The following ADAM17 variants were observed in gnomAD, a reference collection of about 807,000 sequenced individuals.
ADAM17 encodes the protein ADAM metallopeptidase domain 17, also known as disintegrin and metalloproteinase domain-containing protein 17.
Under a neutral mutation model 96.7 loss-of-function variants are expected in ADAM17, and 39 were observed. That is an observed-to-expected ratio of 0.40 (90% CI 0.31 to 0.53). The LOEUF (loss-of-function observed/expected upper bound fraction) is 0.53, where lower values mean the gene tolerates loss of function less well. Ranked by LOEUF, ADAM17 falls within the 20% of genes least tolerant of loss-of-function variation. ADAM17 has a pLI of 0.44. For synonymous variants in ADAM17, 344 were observed against 359.2 expected (o/e 0.96, Z 0.48); for missense variants, 777 against 1,013.2 (o/e 0.77, Z 3.17).
intron 10 of ADAM17, among the ~76,000 whole-genome samples, chr2:9,514,523 ATATATATATATATATATATATAT>A (rs1663937553): frequency 2.1e-4 from 1 of 4,698 alleles, no homozygotes; most frequent in Non-Finnish European, 6.0e-4. Flanking sequence ...ATATAAATAT[ATATATATATATATATATATATAT>A]ATATATATAT....
At chr2:9,507,593 G>A (rs1663485865) in intron 11 of ADAM17, among the ~76,000 whole-genome samples, 1 of 152,028 alleles carries the variant, frequency 6.6e-6, no homozygotes, top group Admixed American at 6.5e-5. Flanking sequence ...AACCAAACTA[G>A]AAAAACACAG....
At position 9,500,893 on chromosome 2, in the gene ADAM17, A is replaced by G. The variant is rs528258529; in HGVS notation, c.1648+1280T>C. Among the ~76,000 whole-genome samples, 29 of 152,360 alleles carry G rather than the reference A, an allele frequency of 1.9e-4. No homozygotes were observed. The South Asian group carries it at 5.6e-3, about 29-fold the overall frequency. On this transcript the variant is annotated intron_variant, in intron 13 of 18. Coordinates refer to ENST00000310823, the MANE Select transcript of ADAM17 (RefSeq NM_003183.6). ...AGCTCCAGAAAGATTCAAGTCCTGA[A>G]TGTAAAAGGACAACTTATGAAGCTA...
chr2:9,512,721 C>T (rs1663808796), intron 10 of ADAM17, among the ~76,000 whole-genome samples: 2 of 152,236 alleles, frequency 1.3e-5, no homozygotes, highest in South Asian at 2.1e-4. Flanking sequence ...CCCACTCAGT[C>T]GGTTAGTATG....
At chr2:9,508,007 T>C (rs1201382040) in intron 11 of ADAM17, among the ~76,000 whole-genome samples, 1 of 152,166 alleles carries the variant, frequency 6.6e-6, no homozygotes, top group Non-Finnish European at 1.5e-5. Flanking sequence ...CCACCATGCC[T>C]CACTGGCAAG....
At chr2:9,490,631 A>C (rs1662055616) in intron 18 of ADAM17, 113 bp from the exon 19 acceptor site, 1 of 1,163,194 alleles carries the variant, frequency 8.6e-7, no homozygotes, top group East Asian at 2.6e-5. Flanking sequence ...CTGTGATGCT[A>C]AGAAAAAAGT....
At chr2:9,535,134 CT>C (rs756781782) in intron 4 of ADAM17, among the ~76,000 whole-genome samples, 2 of 152,318 alleles carry the variant, frequency 1.3e-5, no homozygotes, top group Non-Finnish European at 2.9e-5. Context: ...TGTTTTACCC[CT>C]ATTAAGCACT....
At chr2:9,495,661 C>T (rs1662521199) in intron 14 of ADAM17, among the ~76,000 whole-genome samples, 1 of 150,950 alleles carries the variant, frequency 6.6e-6, no homozygotes, top group Admixed American at 6.6e-5. Flanking sequence ...CTGCGGTGAC[C>T]TGAGATCGCG....
At chr2:9,515,034 C>T (rs1663989886) in intron 10 of ADAM17, among the ~76,000 whole-genome samples, 2 of 152,264 alleles carry the variant, frequency 1.3e-5, no homozygotes, top group South Asian at 4.1e-4. Flanking sequence ...TTAAATCACC[C>T]AAAGTCCACA....
At chr2:9,548,491 A>AG (rs1665483018) in intron 1 of ADAM17, among the ~76,000 whole-genome samples, 1 of 152,256 alleles carries the variant, frequency 6.6e-6, no homozygotes, top group East Asian at 1.9e-4. Context: ...TTAAAAAAAA[A>AG]AAAAAGAAAA....
intron 13 of ADAM17, among the ~76,000 whole-genome samples, chr2:9,500,498 C>T (rs2124986620): frequency 6.6e-6 from 1 of 152,216 alleles, no homozygotes; most frequent in Admixed American, 6.5e-5. Context: ...CTGCATAAAT[C>T]TGAATATACT....
At chr2:9,543,039 T>G in intron 2 of ADAM17, 114 bp downstream of exon 2, 1 of 1,308,628 alleles carries the variant, frequency 7.6e-7, no homozygotes, top group Non-Finnish European at 1.0e-6. Flanking sequence ...GGAAATTAAT[T>G]ACAAATCTTT....
chr2:9,546,162 G>A (rs1236330552), intron 1 of ADAM17, among the ~76,000 whole-genome samples: 2 of 150,872 alleles, frequency 1.3e-5, no homozygotes, highest in Non-Finnish European at 2.9e-5. Flanking sequence ...ATAGATTTCA[G>A]AAATATTCAT....
At chr2:9,534,737 G>A (rs748242246) in intron 4 of ADAM17, among the ~76,000 whole-genome samples, 16 of 152,116 alleles carry the variant, frequency 1.1e-4, no homozygotes, top group South Asian at 2.1e-4. Flanking sequence ...AAGGATGTCT[G>A]TCAAAATGTC....
In ADAM17 at chr2:9,489,896, C is replaced by T. The variant is rs1347611973; in HGVS notation, c.*281G>A. 2.9e-6 allele frequency: 1 copy of T among 349,110 alleles called. No homozygotes were observed. The highest frequency in any genetic ancestry group is 5.2e-6 in the Non-Finnish European group (1 of 191,618). 21.6% of individuals were successfully genotyped at this position (349,110 alleles called of 1,614,324 possible). The stretch of plus-strand genomic sequence containing the variant: ...TACAAAAACGTAAATATTCATAACC[C>T]AATCCAGCTGTATTTTCTGCTTTTG... On this transcript the variant is annotated 3_prime_UTR_variant, in exon 19 of 19. Coordinates refer to ENST00000310823, the MANE Select transcript of ADAM17 (RefSeq NM_003183.6).
chr2:9,490,643 C>T, intron 18 of ADAM17, 125 bp from the exon 19 acceptor site: 1 of 1,008,800 alleles, frequency 9.9e-7, no homozygotes, highest in East Asian at 2.6e-5. Context: ...GAAAAAAGTG[C>T]TAGGTGAGGC....
Position 9,490,187 on chromosome 2 carries a change from GTTTC to G in ADAM17, c.2461_2464del (p.Glu821GlnfsTer32). On this transcript the variant is annotated frameshift_variant, in exon 19 of 19. Coordinates refer to ENST00000310823, the MANE Select transcript of ADAM17 (RefSeq NM_003183.6). LOFTEE classifies it high-confidence loss of function. ...GAGCTGAGAACTAAATTAGCACTCT[GTTTC>G]TTTGCTGTCAACACGATTCTGACGC... is the stretch of plus-strand genomic sequence containing the variant. The G allele has an allele frequency of 6.3e-7, 1 of 1,594,660 alleles. No homozygotes were observed. The highest frequency in any genetic ancestry group is 2.3e-5 in the East Asian group (1 of 44,318).
intron 6 of ADAM17, among the ~76,000 whole-genome samples, chr2:9,525,478 G>GGTCA (rs1664487040): frequency 6.6e-6 from 1 of 152,078 alleles, no homozygotes; most frequent in South Asian, 2.1e-4. Context: ...ACAACATTTT[G>GGTCA]GTCAGTGCCA....
rs547881063 is a variant in ADAM17 at position 9,535,717 on chromosome 2, C to T, written c.450+117G>A. On this transcript the variant is annotated intron_variant, in intron 4 of 18. Transcript: ENST00000310823. The stretch of plus-strand genomic sequence containing the variant: ...AAAAGTCTACTTTCCTAGTAAAAAA[C>T]TTCAAATACGAAGAGGAAAGAAATA... The T allele has an allele frequency of 7.0e-6, 4 of 575,376 alleles. No homozygotes were observed. In the South Asian group the frequency reaches 1.4e-4, roughly 20 times the overall value. The allele number at this position is 575,376 out of a possible 1,614,324, so 35.6% of individuals were successfully genotyped here. A position where few individuals can be genotyped will look rare whatever the true frequency, so the allele number is the denominator to read the frequency against.
chr2:9,501,326 G>A (rs185730174), intron 13 of ADAM17, among the ~76,000 whole-genome samples: 64 of 152,262 alleles, frequency 4.2e-4, no homozygotes, highest in Admixed American at 9.2e-4. Flanking sequence ...TCCAAGCGTT[G>A]GCCAGAACGT....
Sources: allele counts gnomAD v4.1 joint callset (sites outside exome capture counted in the v4.1 genomes callset), GRCh38; gene constraint gnomAD v4.1.1; transcripts MANE v1.5; gene names NCBI Gene and HGNC (gene_info 2026-07-23, HGNC 2026-07-21).